ANKRD11: variants seen among roughly 807,000 people sequenced by gnomAD.
ANKRD11 encodes ankyrin repeat domain-containing protein 11.
Under a neutral mutation model 195.7 loss-of-function variants are expected in ANKRD11, and 17 were observed. The ratio of observed to expected loss-of-function variants is 0.09; its 90% CI spans 0.06 to 0.13. The LOEUF is 0.13. Among genes scored for constraint, ANKRD11 ranks in the 10% least tolerant of loss-of-function variants. The pLI, the probability that ANKRD11 is intolerant of heterozygous loss-of-function variation, is 1.00. For missense variants in ANKRD11, 3,735 were observed against 3,566.1 expected, an observed-to-expected ratio of 1.05 and a Z score of -1.21; for synonymous variants, 1,953 against 1,528.1, an observed-to-expected ratio of 1.28 and a Z score of -6.49.
At chr16:89,470,942 G>A (rs1007917304) in intron 1 of ANKRD11, among the ~76,000 whole-genome samples, 5 of 152,256 alleles carry the variant, frequency 3.3e-5, no homozygotes, top group African/African-American at 1.2e-4. Flanking sequence ...GCAGTGAGCT[G>A]AGATCATGCC....
intron 1 of ANKRD11, among the ~76,000 whole-genome samples, chr16:89,453,993 G>C (rs190819935): frequency 1.1e-4 from 17 of 152,298 alleles, no homozygotes; most frequent in Admixed American, 7.2e-4. Flanking sequence ...TCCCAAGACT[G>C]TCTGAGTGGA....
intron 2 of ANKRD11, among the ~76,000 whole-genome samples, chr16:89,362,575 C>T (rs2152061127): frequency 6.6e-6 from 1 of 152,350 alleles, no homozygotes; most frequent in East Asian, 1.9e-4. Flanking sequence ...TCTTCAAAGA[C>T]TTTCCTCCCC....
intron 4 of ANKRD11, among the ~76,000 whole-genome samples, chr16:89,296,062 C>G (rs567082717): frequency 2.2e-5 from 3 of 135,376 alleles, no homozygotes; most frequent in Non-Finnish European, 4.6e-5. Flanking sequence ...AATCTCAGCT[C>G]ACCGCAGCCT....
chr16:89,472,806 G>A (rs1245912822), intron 1 of ANKRD11, among the ~76,000 whole-genome samples: 4 of 152,202 alleles, frequency 2.6e-5, no homozygotes, highest in African/African-American at 9.6e-5. Flanking sequence ...TTACCACAGA[G>A]GGGAGCAGAG....
Position 89,342,551 on chromosome 16 carries a change from C to A in ANKRD11, c.-59-25473G>T, listed in dbSNP as rs561175190. Among the ~76,000 whole-genome samples the A allele has an allele frequency of 2.0e-5, 3 of 152,362 alleles. No homozygotes were observed. In the South Asian group the frequency reaches 6.2e-4, roughly 32 times the overall value. ...TGCGTGGCTCTCTCCTAGCACACCA[C>A]GTGCCTGAGCAGGATATGCCTTTTC... On this transcript the variant is annotated intron_variant, in intron 2 of 12. Transcript: ENST00000301030.
rs1192980008 is a variant in ANKRD11, at chr16:89,288,634, T to C, written c.638A>G (p.Tyr213Cys). 2.5e-6 allele frequency: 4 copies of C among 1,613,992 alleles called. No homozygotes were observed. In the African/African-American group the frequency reaches 4.0e-5, roughly 16 times the overall value. Residue 213 changes from tyrosine to cysteine, a missense_variant, in exon 7 of 13, where the codon TAC (tyrosine) becomes TGC (cysteine). By Grantham distance (194) the Tyr-to-Cys change is radical. Coordinates refer to ENST00000301030, the MANE Select transcript of ANKRD11 (RefSeq NM_013275.6). Reference protein sequence around the residue: ...TALHEACNRGYYDVAKQLLAA... With the variant: ...TALHEACNRGCYDVAKQLLAA... ...CAGCAGCTGCTTCGCGACGTCGTAG[T>C]AGCCCCGGTTACAGGCCTCGTGCAG... is the stretch of plus-strand genomic sequence containing the variant.
At position 89,284,803 on chromosome 16, in the gene ANKRD11, G is replaced by A. The variant is rs558841201; in HGVS notation, c.1739C>T (p.Ser580Phe). 2 of 1,613,632 alleles carry A rather than the reference G, an allele frequency of 1.2e-6. No individual in the cohort carries two copies. The highest frequency in any genetic ancestry group is 2.2e-5 in the East Asian group (1 of 44,892). Reference protein sequence around the residue: ...RTRLTSESDYSSEGSSVESLK... With the variant: ...RTRLTSESDYFSEGSSVESLK... ...CGATTCCACACTGGAGCCCTCAGAG[G>A]AGTAGTCAGACTCGCTTGTCAGTCT... The change falls in exon 9 of 13, where the codon TCC (serine) becomes TTC (phenylalanine). Residue 580 changes from serine (S) to phenylalanine (F), a missense_variant. Ser to Phe is a radical substitution (Grantham distance 155, BLOSUM62 -2). Coordinates refer to ENST00000301030, the MANE Select transcript of ANKRD11 (RefSeq NM_013275.6).
At chr16:89,340,580 G>GT (rs2038608783) in intron 2 of ANKRD11, among the ~76,000 whole-genome samples, 2 of 152,202 alleles carry the variant, frequency 1.3e-5, no homozygotes, top group African/African-American at 4.8e-5. Context: ...CAGTCCTGTT[G>GT]TAAATCTTTT....
At chr16:89,360,578 C>T (rs574079743) in intron 2 of ANKRD11, 1 of 152,288 alleles carries the variant, frequency 6.6e-6, no homozygotes, top group South Asian at 2.1e-4. Context: ...ACTAAAATGG[C>T]ACGAAAGCAT....
intron 2 of ANKRD11, among the ~76,000 whole-genome samples, chr16:89,330,456 G>A (rs954714601): frequency 9.2e-5 from 14 of 152,116 alleles, no homozygotes; most frequent in Non-Finnish European, 1.6e-4. Flanking sequence ...ATTCCTTGGT[G>A]CACAGACACG....
chr16:89,364,175 GCCCACGAGGACCCT>G (rs1306962275), intron 2 of ANKRD11, among the ~76,000 whole-genome samples: 2 of 152,190 alleles, frequency 1.3e-5, no homozygotes, highest in African/African-American at 4.8e-5. Flanking sequence ...GACTTGCTGG[GCCCACGAGGACCCT>G]GCCACTTCCA....
intron 1 of ANKRD11, among the ~76,000 whole-genome samples, chr16:89,437,855 C>G (rs2043280976): frequency 6.6e-6 from 1 of 152,212 alleles, no homozygotes; most frequent in Non-Finnish European, 1.5e-5. Flanking sequence ...AGTTCAATCT[C>G]CTATGGGTCA....
chr16:89,368,835 C>A (rs11859250), intron 2 of ANKRD11, among the ~76,000 whole-genome samples: 1 of 152,042 alleles, frequency 6.6e-6, no homozygotes, highest in East Asian at 1.9e-4. Flanking sequence ...AGGAGGTTGA[C>A]GCCACAGTGA....
chr16:89,287,198 T>A, intron 7 of ANKRD11: 1 of 948,522 alleles, frequency 1.1e-6, no homozygotes, highest in Middle Eastern at 3.1e-4. Context: ...TCCTCGGCCC[T>A]CCTCTAAGGC....
At chr16:89,313,725 T>C in intron 3 of ANKRD11, 1 of 615,062 alleles carries the variant, frequency 1.6e-6, no homozygotes, top group Non-Finnish European at 2.5e-6. Context: ...GTTCTGGCAC[T>C]TGGGGCTCAC....
At chr16:89,305,675 TCCGCAGACACGCGCCACCTCC>T (rs1567615171) in intron 3 of ANKRD11, among the ~76,000 whole-genome samples, 723 of 35,220 alleles carry the variant, frequency 0.021, 8 homozygotes, top group African/African-American at 0.065. Context: ...TACCTCCCAC[TCCGCAGACACGCGCCACCTCC>T]CACTCCGCAG....
chr16:89,409,820 T>G (rs537696204), intron 2 of ANKRD11, among the ~76,000 whole-genome samples: 15 of 152,310 alleles, frequency 9.8e-5, no homozygotes, highest in African/African-American at 3.4e-4. Flanking sequence ...ACTTCTCAAT[T>G]TCAATCTAAA....
In ANKRD11 at chr16:89,284,393, A is replaced by G; in HGVS notation, c.2149T>C (p.Ser717Pro). 1 of 1,613,430 alleles carries G rather than the reference A, an allele frequency of 6.2e-7. No homozygotes were observed. Among genetic ancestry groups the G allele is most frequent in the Non-Finnish European group, 8.5e-7 (1 of 1,179,914 alleles). The change falls in exon 9 of 13, where the codon TCA becomes CCA. Residue 717 changes from serine to proline, a missense_variant. Ser to Pro is a moderately conservative substitution (Grantham distance 74). Coordinates refer to ENST00000301030, the MANE Select transcript of ANKRD11 (RefSeq NM_013275.6). The stretch of plus-strand genomic sequence containing the variant: ...TTTGTGTCTTTGATTCTCTTCAGTG[A>G]TTTTTCATCTTTAAAGAGCCATTCT... ...EKEWLFKDEK[S>P]LKRIKDTNKD... is the part of the protein sequence containing the mutation.
chr16:89,297,395 G>A (rs2035509580), intron 4 of ANKRD11: 1 of 152,178 alleles, frequency 6.6e-6, no homozygotes, highest in Admixed American at 6.5e-5. Flanking sequence ...GGAACTGATG[G>A]GCAGGGCCGG....
Sources: allele counts gnomAD v4.1 joint callset (sites outside exome capture counted in the v4.1 genomes callset), GRCh38; gene constraint gnomAD v4.1.1; transcripts MANE v1.5; gene names NCBI Gene and HGNC (gene_info 2026-07-23, HGNC 2026-07-21).